Variants in RAB39A observed in about 807,000 individuals in gnomAD.
RAB39A encodes the protein ras-related protein Rab-39A.
Under a neutral mutation model 20.9 loss-of-function variants are expected in RAB39A, and 17 were observed. The ratio of observed to expected loss-of-function variants is 0.81; its 90% CI spans 0.56 to 1.22. RAB39A has a LOEUF of 1.22. RAB39A is among the 50% of genes most tolerant of loss of function. RAB39A has a pLI of 0.00. For missense variants in RAB39A, 234 were observed against 270.5 expected (o/e 0.87, Z 0.95); for synonymous variants, 99 against 103.4 (o/e 0.96, Z 0.26).
At chr11:107,937,394 C>A (rs1275820186) in intron 1 of RAB39A, among the ~76,000 whole-genome samples, 2 of 152,142 alleles carry the variant, frequency 1.3e-5, no homozygotes, top group Admixed American at 1.3e-4. Flanking sequence ...CCCTCCTTGG[C>A]CTCCCAAAGT....
At chr11:107,940,266 T>TTAG (rs1475765011) in intron 1 of RAB39A, among the ~76,000 whole-genome samples, 4 of 151,272 alleles carry the variant, frequency 2.6e-5, no homozygotes, top group Non-Finnish European at 5.9e-5. Flanking sequence ...ATTTTTATTA[T>TTAG]TATTATTATT....
chr11:107,962,343 G>A lies in RAB39A; in HGVS notation c.625G>A (p.Val209Ile). The part of the protein sequence containing the change: ...PNTVHSSEEA[V>I]KPRKECFC ...TACTGTGCATTCTTCTGAGGAAGCA[G>A]TAAAGCCCAGGAAAGAATGCTTCTG... The change falls in exon 2 of 2, where the codon GTA becomes ATA. Residue 209 changes from valine (V) to isoleucine (I), a missense_variant. Transcript: ENST00000320578. 6.2e-7 allele frequency: 1 copy of A among 1,607,898 alleles called. No individual in the cohort carries two copies. The highest frequency in any genetic ancestry group is 8.5e-7 in the Non-Finnish European group (1 of 1,175,294).
intron 1 of RAB39A, among the ~76,000 whole-genome samples, chr11:107,959,650 T>C (rs1386128161): frequency 6.6e-6 from 1 of 151,842 alleles, no homozygotes; most frequent in Non-Finnish European, 1.5e-5. Context: ...GCAGGAGAAA[T>C]AGAAAGAAAG....
Position 107,928,496 on chromosome 11 carries a change from T to C in RAB39A, c.-73T>C. On this transcript the variant is annotated 5_prime_UTR_variant, in exon 1 of 2. The change abolishes the stop of an existing upstream ORF in the 5' untranslated region. Transcript: ENST00000320578. This position sits in a 1 kb window ranked among gnomAD's most constrained non-coding sequence, Gnocchi z 4.9. ...CGGCGGGCGGGCGCCCGCGAGGTGC[T>C]GAAAGGACAGTTCCCGCCGCCGAAC... The C allele has an allele frequency of 3.3e-6, 4 of 1,222,740 alleles. No individual in the cohort carries two copies. The highest frequency in any genetic ancestry group is 4.3e-6 in the Non-Finnish European group (4 of 925,664). The allele number at this position is 1,222,740 out of a possible 1,614,324, so 75.7% of individuals were successfully genotyped here.
chr11:107,949,578 T>C (rs1861354059), intron 1 of RAB39A, among the ~76,000 whole-genome samples: 2 of 152,274 alleles, frequency 1.3e-5, no homozygotes, highest in South Asian at 4.2e-4. Context: ...CTGTGTTATA[T>C]GGAATATAAA....
intron 1 of RAB39A, among the ~76,000 whole-genome samples, chr11:107,943,464 G>A (rs1381678079): frequency 6.6e-6 from 1 of 151,814 alleles, no homozygotes; most frequent in East Asian, 1.9e-4. Flanking sequence ...CCAGCTACTC[G>A]GGAGGCTGAG....
intron 1 of RAB39A, among the ~76,000 whole-genome samples, chr11:107,951,103 A>G (rs1861373948): frequency 6.6e-6 from 1 of 152,204 alleles, no homozygotes; most frequent in Admixed American, 6.5e-5. Context: ...GGAGTTACAC[A>G]AAGAAAAAGA....
chr11:107,958,378 C>T (rs1565467009), intron 1 of RAB39A, among the ~76,000 whole-genome samples: 1 of 152,200 alleles, frequency 6.6e-6, no homozygotes, highest in South Asian at 2.1e-4. Context: ...CTTCTAGAGA[C>T]CTAAGTGTCT....
intron 1 of RAB39A, among the ~76,000 whole-genome samples, chr11:107,960,750 C>T (rs898618806): frequency 3.9e-5 from 6 of 152,292 alleles, no homozygotes; most frequent in African/African-American, 1.2e-4. Flanking sequence ...AACGTGGTGA[C>T]AGCTGTAGCC....
At chr11:107,932,539 C>A (rs993945646) in intron 1 of RAB39A, among the ~76,000 whole-genome samples, 2 of 152,160 alleles carry the variant, frequency 1.3e-5, no homozygotes, top group Non-Finnish European at 2.9e-5. Context: ...AGCAAAGTTT[C>A]TTTTAAGCAA....
At chr11:107,943,629 A>C (rs746520256) in intron 1 of RAB39A, among the ~76,000 whole-genome samples, 2 of 152,112 alleles carry the variant, frequency 1.3e-5, no homozygotes, top group African/African-American at 4.8e-5. Flanking sequence ...AAATCCATGC[A>C]TTTATTTACC....
intron 1 of RAB39A, among the ~76,000 whole-genome samples, chr11:107,957,324 G>C (rs1393446503): frequency 2.0e-5 from 3 of 151,444 alleles, no homozygotes; most frequent in African/African-American, 4.9e-5. Context: ...AAGCCTCAAA[G>C]GAGCAGGAGA....
chr11:107,954,933 A>G (rs919633524), intron 1 of RAB39A, among the ~76,000 whole-genome samples: 3 of 148,722 alleles, frequency 2.0e-5, no homozygotes, highest in Admixed American at 2.0e-4. Flanking sequence ...AAGCCAAGTT[A>G]TAAGCCAAGA....
chr11:107,946,452 ATATATATATT>A (rs1861316583), intron 1 of RAB39A, among the ~76,000 whole-genome samples: 2 of 71,778 alleles, frequency 2.8e-5, no homozygotes, highest in African/African-American at 1.1e-4. Flanking sequence ...ATATATATAT[ATATATATATT>A]TTTTTTTTTT....
chr11:107,929,818 G>C (rs1044820718), intron 1 of RAB39A, among the ~76,000 whole-genome samples: 2 of 152,176 alleles, frequency 1.3e-5, no homozygotes, highest in African/African-American at 2.4e-5. Flanking sequence ...AAGGCACTTC[G>C]TTTTAGAGGA....
intron 1 of RAB39A, among the ~76,000 whole-genome samples, chr11:107,948,510 C>A (rs1861341259): frequency 6.6e-6 from 1 of 152,120 alleles, no homozygotes; most frequent in South Asian, 2.1e-4. Flanking sequence ...CACCCCCAGC[C>A]GAGAGGGATT....
chr11:107,961,706 G>C (rs942275207), intron 1 of RAB39A, among the ~76,000 whole-genome samples: 1 of 152,194 alleles, frequency 6.6e-6, no homozygotes, highest in African/African-American at 2.4e-5. Context: ...GACATAGCAT[G>C]TAAGTGCTTA....
chr11:107,950,541 C>G (rs1861367060), intron 1 of RAB39A, among the ~76,000 whole-genome samples: 1 of 152,006 alleles, frequency 6.6e-6, no homozygotes, highest in Admixed American at 6.6e-5. Flanking sequence ...CCAGGGTGGG[C>G]AGATCACTTG....
chr11:107,953,937 A>G (rs1385336834), intron 1 of RAB39A, among the ~76,000 whole-genome samples: 2 of 152,214 alleles, frequency 1.3e-5, no homozygotes, highest in Non-Finnish European at 2.9e-5. Context: ...GATATGATCA[A>G]TGAATCCCAT....
Sources: allele counts gnomAD v4.1 joint callset (sites outside exome capture counted in the v4.1 genomes callset), GRCh38; gene constraint gnomAD v4.1.1; non-coding constraint Gnocchi (gnomAD v3.1); transcripts MANE v1.5; gene names NCBI Gene and HGNC (gene_info 2026-07-23, HGNC 2026-07-21).